The following UNC5D variants were observed in gnomAD, a reference collection of about 807,000 sequenced individuals.
UNC5D encodes netrin receptor UNC5D.
In UNC5D, 39 loss-of-function variants were observed where a neutral mutation model predicts 105.4. The observed-to-expected ratio is 0.37, with a 90% CI of 0.29 to 0.48. UNC5D has a LOEUF of 0.48. Among genes scored for constraint, UNC5D ranks in the 20% least tolerant of loss-of-function variants. UNC5D has a pLI of 0.98. For missense variants in UNC5D, 991 were observed against 1,202.4 expected (o/e 0.82, Z 2.60); for synonymous variants, 452 against 450.4 (o/e 1.00, Z -0.04).
chr8:35,586,126 T>A (rs1818778048), intron 3 of UNC5D, among the ~76,000 whole-genome samples: 1 of 151,830 alleles, frequency 6.6e-6, no homozygotes, highest in Non-Finnish European at 1.5e-5. Flanking sequence ...ATACAAAAAT[T>A]ATCCAGGCAT....
intron 1 of UNC5D, among the ~76,000 whole-genome samples, chr8:35,499,093 G>T (rs532572659): frequency 6.6e-6 from 1 of 152,188 alleles, no homozygotes; most frequent in African/African-American, 2.4e-5. Context: ...CAAGTTGAGG[G>T]AAGAGCTTGG....
At chr8:35,773,413 C>G (rs1802096257) in intron 15 of UNC5D, among the ~76,000 whole-genome samples, 2 of 152,110 alleles carry the variant, frequency 1.3e-5, no homozygotes, top group Non-Finnish European at 2.9e-5. Context: ...AATTCTGAAA[C>G]AATTTTATTT....
intron 8 of UNC5D, chr8:35,721,427 A>G: frequency 1.4e-6 from 1 of 702,856 alleles, no homozygotes; most frequent in South Asian, 1.5e-5. Context: ...TAACGCTTTT[A>G]TTTTTGCTTT....
chr8:35,298,804 G>T lies in UNC5D; in HGVS notation c.103+62917G>T, dbSNP rs181888907. On this transcript the variant is annotated intron_variant, in intron 1 of 16. Coordinates refer to ENST00000404895, the MANE Select transcript of UNC5D (RefSeq NM_080872.4). Reference sequence around the variant, plus strand: ...CTTGGCAGTACTGAATTTAAGTATTGGCATTTGCCCTTTCAAAATGTGCTT... The same window carrying T: ...CTTGGCAGTACTGAATTTAAGTATTTGCATTTGCCCTTTCAAAATGTGCTT... Among the ~76,000 whole-genome samples the T allele has an allele frequency of 2.6e-5, 4 of 152,224 alleles. No homozygotes were observed. The East Asian group carries it at 7.7e-4, about 29-fold the overall frequency.
At chr8:35,526,380 C>T (rs2130496927) in intron 1 of UNC5D, among the ~76,000 whole-genome samples, 1 of 152,232 alleles carries the variant, frequency 6.6e-6, no homozygotes, top group African/African-American at 2.4e-5. Context: ...ATCCATCTCG[C>T]CTGTTCTCCA....
chr8:35,315,819 G>T (rs1354165095), intron 1 of UNC5D, among the ~76,000 whole-genome samples: 1 of 152,164 alleles, frequency 6.6e-6, no homozygotes, highest in Admixed American at 6.5e-5. Context: ...TTGCAACCAG[G>T]CAATGTGACT....
chr8:35,504,187 C>G (rs1305116839), intron 1 of UNC5D, among the ~76,000 whole-genome samples: 2 of 152,184 alleles, frequency 1.3e-5, no homozygotes, highest in African/African-American at 2.4e-5. Context: ...GATGACTTCT[C>G]ACTTAATTAT....
chr8:35,510,543 T>C (rs139984674), intron 1 of UNC5D, among the ~76,000 whole-genome samples: 3 of 152,234 alleles, frequency 2.0e-5, no homozygotes, highest in Non-Finnish European at 4.4e-5. Context: ...TTGTAATAAA[T>C]AGCCTCTTAC....
At chr8:35,724,226 C>A in intron 9 of UNC5D, 1 of 1,526,268 alleles carries the variant, frequency 6.6e-7, no homozygotes, top group South Asian at 1.2e-5. Context: ...CTTACCTGAC[C>A]ATTTTGTTTT....
intron 1 of UNC5D, among the ~76,000 whole-genome samples, chr8:35,540,688 C>T (rs1815214676): frequency 6.6e-6 from 1 of 152,166 alleles, no homozygotes; most frequent in Admixed American, 6.6e-5. Context: ...GGGGACAAAG[C>T]TGTATCTGCC....
At chr8:35,272,279 A>G (rs995999327) in intron 1 of UNC5D, among the ~76,000 whole-genome samples, 1 of 152,040 alleles carries the variant, frequency 6.6e-6, no homozygotes, top group Non-Finnish European at 1.5e-5. Flanking sequence ...CTTTTTTAGA[A>G]TTTTCCGTTT....
At position 35,547,658 on chromosome 8, in the gene UNC5D, G is replaced by A. The variant is rs143174405; in HGVS notation, c.104-1634G>A. Among the ~76,000 whole-genome samples the A allele has an allele frequency of 3.6e-4, 55 of 152,140 alleles. No homozygotes were observed. The East Asian group carries it at 9.3e-3, about 26-fold the overall frequency. ...ACCATTGACAATGCTTCCTGATTTC[G>A]GTTGTTGACTTAAGCATGAATAGTA... On this transcript the variant is annotated intron_variant, in intron 1 of 16. Coordinates refer to ENST00000404895, the MANE Select transcript of UNC5D (RefSeq NM_080872.4).
At chr8:35,610,642 G>A (rs74790281) in intron 4 of UNC5D, among the ~76,000 whole-genome samples, 2 of 152,066 alleles carry the variant, frequency 1.3e-5, no homozygotes, top group East Asian at 1.9e-4. Context: ...GAAGAAAAAG[G>A]GACATACAAA....
At chr8:35,740,169 C>G (rs1211144797) in intron 11 of UNC5D, among the ~76,000 whole-genome samples, 2 of 152,188 alleles carry the variant, frequency 1.3e-5, no homozygotes, top group Non-Finnish European at 2.9e-5. Flanking sequence ...AGAAAGCTGG[C>G]TCCCTAGAGA....
chr8:35,256,910 C>A (rs1804111936), intron 1 of UNC5D, among the ~76,000 whole-genome samples: 1 of 150,934 alleles, frequency 6.6e-6, no homozygotes, highest in Admixed American at 6.6e-5. Flanking sequence ...CAAATACATA[C>A]TGAAATCCAT....
At chr8:35,369,808 G>A (rs911090463) in intron 1 of UNC5D, among the ~76,000 whole-genome samples, 1 of 152,108 alleles carries the variant, frequency 6.6e-6, no homozygotes, top group Non-Finnish European at 1.5e-5. Flanking sequence ...CTTTGCTTTG[G>A]TAGGGATTTC....
chr8:35,549,175 A>T, intron 1 of UNC5D, 117 bp from the exon 2 acceptor site: 1 of 956,826 alleles, frequency 1.0e-6, no homozygotes, highest in Non-Finnish European at 1.6e-6. Context: ...ATGCTTTATT[A>T]ATAAAGCGAA....
At chr8:35,668,854 A>G (rs1471605516) in intron 4 of UNC5D, among the ~76,000 whole-genome samples, 1 of 152,086 alleles carries the variant, frequency 6.6e-6, no homozygotes, top group Non-Finnish European at 1.5e-5. Flanking sequence ...CTCACTTTTT[A>G]CTACAGTGAT....
intron 11 of UNC5D, among the ~76,000 whole-genome samples, chr8:35,741,469 T>A (rs1031794504): frequency 2.6e-5 from 4 of 152,198 alleles, no homozygotes; most frequent in Non-Finnish European, 5.9e-5. Flanking sequence ...AATAATCCAC[T>A]GTTCTAACTG....
Sources: gnomAD v4.1 joint callset for allele counts (sites outside exome capture counted in the v4.1 genomes callset) on GRCh38, gnomAD v4.1.1 for gene constraint, MANE v1.5 for transcripts, NCBI Gene and HGNC (gene_info 2026-07-23, HGNC 2026-07-21) for gene names.